Variants in TAOK1 observed in about 807,000 individuals in gnomAD.
The protein encoded by TAOK1 is TAO kinase 1.
In TAOK1, 21 loss-of-function variants were observed where a neutral mutation model predicts 138.3. The ratio of observed to expected loss-of-function variants is 0.15; its 90% CI spans 0.11 to 0.22. TAOK1 has a LOEUF of 0.22. Among genes scored for constraint, TAOK1 ranks in the 10% least tolerant of loss-of-function variants. TAOK1 has a pLI of 1.00. For synonymous variants in TAOK1, 361 were observed against 398.4 expected (o/e 0.91, Z 1.12); for missense variants, 651 against 1,227.7 (o/e 0.53, Z 7.02).
At chr17:29,416,526 AAATTAAATATTACATTATTT>A (rs1463504879) in intron 1 of TAOK1, among the ~76,000 whole-genome samples, 18 of 152,034 alleles carry the variant, frequency 1.2e-4, no homozygotes, top group East Asian at 3.8e-4. Context: ...TGTATACAAC[AAATTAAATATTACATTATTT>A]AATTAAATAT....
In TAOK1 at chr17:29,544,332, G is replaced by A. The variant is rs2032368149; in HGVS notation, c.*1310G>A. 2 of 152,598 alleles carry A rather than the reference G, an allele frequency of 1.3e-5. No homozygotes were observed. The highest frequency in any genetic ancestry group is 1.3e-4 in the Admixed American group (2 of 15,272). The allele number at this position is 152,598 out of a possible 1,614,324, so 9.5% of individuals were successfully genotyped here. On this transcript the variant is annotated 3_prime_UTR_variant, in exon 20 of 20. Transcript: ENST00000261716. ...TCCTCTATTTTTAATTGCTGTTTTC[G>A]TTGCTGCAGTACTTTACAAACTTCT...
At chr17:29,524,483 G>C (rs1168405668) in intron 17 of TAOK1, among the ~76,000 whole-genome samples, 1 of 152,180 alleles carries the variant, frequency 6.6e-6, no homozygotes, top group African/African-American at 2.4e-5. Flanking sequence ...GATTCTCTCA[G>C]ATAGTACGTT....
intron 1 of TAOK1, among the ~76,000 whole-genome samples, chr17:29,425,306 C>G (rs1905600674): frequency 6.6e-6 from 1 of 152,148 alleles, no homozygotes; most frequent in South Asian, 2.1e-4. Context: ...CTCCTGACTT[C>G]AAATGATTCT....
At position 29,550,478 on chromosome 17, in the gene TAOK1, A is replaced by G. The variant is rs1356032130; in HGVS notation, c.*7456A>G. The G allele has an allele frequency of 6.6e-6, 1 of 152,206 alleles. No individual in the cohort carries two copies. The highest frequency in any genetic ancestry group is 2.4e-5 in the African/African-American group (1 of 41,466). 9.4% of individuals were successfully genotyped at this position (152,206 alleles called of 1,614,324 possible). On this transcript the variant is annotated 3_prime_UTR_variant, in exon 20 of 20. Coordinates refer to ENST00000261716, the MANE Select transcript of TAOK1 (RefSeq NM_020791.4). ...TTACTATGAGCAATTTCGCTTTCAGAACCCCCTTGTTTTAGTATATGAAAA... is the reference window on the plus strand; with the variant it reads ...TTACTATGAGCAATTTCGCTTTCAGGACCCCCTTGTTTTAGTATATGAAAA...
chr17:29,452,374 C>T (rs1227980124), intron 2 of TAOK1, among the ~76,000 whole-genome samples: 1 of 152,140 alleles, frequency 6.6e-6, no homozygotes, highest in Non-Finnish European at 1.5e-5. Context: ...CTGCAGAACA[C>T]AGACTTCCAC....
At chr17:29,498,925 CA>C (rs75922490) in intron 12 of TAOK1, among the ~76,000 whole-genome samples, 4,142 of 134,980 alleles carry the variant, frequency 0.031, 147 homozygotes, top group African/African-American at 0.1. Context: ...GACCCTATCT[CA>C]AAAAAAAAAA....
chr17:29,437,151 C>T (rs1906058447), intron 1 of TAOK1, among the ~76,000 whole-genome samples: 1 of 152,132 alleles, frequency 6.6e-6, no homozygotes, highest in Non-Finnish European at 1.5e-5. Flanking sequence ...GCCACCTCCT[C>T]CTCCTGGGTT....
chr17:29,477,521 CTATT>C, intron 4 of TAOK1, 136 bp from the exon 5 acceptor site: 1 of 289,004 alleles, frequency 3.5e-6, no homozygotes, highest in South Asian at 1.4e-4. Context: ...ATCTATATAA[CTATT>C]TTTTTAAGGT....
chr17:29,537,514 T>C (rs1159627754), intron 19 of TAOK1, among the ~76,000 whole-genome samples: 4 of 151,728 alleles, frequency 2.6e-5, no homozygotes, highest in South Asian at 4.2e-4. Context: ...TGATTTTTTT[T>C]TTTTTTTTTT....
intron 16 of TAOK1, among the ~76,000 whole-genome samples, chr17:29,521,316 ATC>A (rs1321194697): frequency 6.6e-6 from 1 of 152,150 alleles, no homozygotes. Context: ...AAATTTTAGA[ATC>A]TCTTTAAAAA....
chr17:29,535,223 A>G (rs920680400), intron 19 of TAOK1, among the ~76,000 whole-genome samples: 8 of 152,030 alleles, frequency 5.3e-5, no homozygotes, highest in Non-Finnish European at 1.2e-4. Context: ...AGGTGGGAAG[A>G]TGGATTGAGC....
chr17:29,464,075 C>T (rs2030596801), intron 2 of TAOK1, among the ~76,000 whole-genome samples: 1 of 152,022 alleles, frequency 6.6e-6, no homozygotes, highest in Non-Finnish European at 1.5e-5. Context: ...GGGCAAATCT[C>T]TAGGGACAGA....
At chr17:29,502,170 C>T (rs1163043659) in intron 12 of TAOK1, among the ~76,000 whole-genome samples, 1 of 152,024 alleles carries the variant, frequency 6.6e-6, no homozygotes, top group Non-Finnish European at 1.5e-5. Flanking sequence ...ATATTGGCTT[C>T]CACCTGTCAT....
intron 1 of TAOK1, among the ~76,000 whole-genome samples, chr17:29,406,127 G>T (rs1336840709): frequency 1.3e-5 from 2 of 152,102 alleles, no homozygotes; most frequent in Non-Finnish European, 2.9e-5. Context: ...ATTGTTGGGG[G>T]GATCTGTGCT....
At chr17:29,441,949 C>T (rs2029952200) in intron 1 of TAOK1, among the ~76,000 whole-genome samples, 1 of 151,692 alleles carries the variant, frequency 6.6e-6, no homozygotes, top group Middle Eastern at 3.4e-3. Context: ...TTTGAGTCTT[C>T]TATCTTTTTG....
chr17:29,482,404 GC>G, intron 8 of TAOK1, 116 bp downstream of exon 8: 2 of 797,424 alleles, frequency 2.5e-6, no homozygotes, highest in Non-Finnish European at 4.0e-6. Context: ...TATAAGGGGG[GC>G]AATACATTTA....
At chr17:29,524,297 G>A (rs1157768132) in intron 17 of TAOK1, among the ~76,000 whole-genome samples, 1 of 152,158 alleles carries the variant, frequency 6.6e-6, no homozygotes, top group African/African-American at 2.4e-5. Flanking sequence ...TGTCAGCAAA[G>A]TCAATTATGA....
At chr17:29,538,100 G>T (rs1209222545) in intron 19 of TAOK1, among the ~76,000 whole-genome samples, 1 of 115,100 alleles carries the variant, frequency 8.7e-6, no homozygotes, top group Non-Finnish European at 1.7e-5. Context: ...GACAGAGCAA[G>T]ACTCCATCTC....
At chr17:29,461,286 G>A (rs955491029) in intron 2 of TAOK1, among the ~76,000 whole-genome samples, 13 of 152,106 alleles carry the variant, frequency 8.5e-5, no homozygotes, top group African/African-American at 2.9e-4. Flanking sequence ...TTCTACATAC[G>A]GTAATTGTAC....
Sources: gnomAD v4.1 joint callset for allele counts (sites outside exome capture counted in the v4.1 genomes callset) on GRCh38, gnomAD v4.1.1 for gene constraint, MANE v1.5 for transcripts, NCBI Gene and HGNC (gene_info 2026-07-23, HGNC 2026-07-21) for gene names.